GADL1: variants seen among roughly 807,000 people sequenced by gnomAD.
GADL1 encodes the protein acidic amino acid decarboxylase GADL1.
Under a neutral mutation model 69.5 loss-of-function variants are expected in GADL1, and 71 were observed. That is an observed-to-expected ratio of 1.02 (90% CI 0.84 to 1.25). The LOEUF (loss-of-function observed/expected upper bound fraction) is 1.25. GADL1 is among the 50% of genes most tolerant of loss of function. The pLI is 0.00. For missense variants in GADL1, 737 were observed against 631.8 expected, an observed-to-expected ratio of 1.17 and a Z score of -1.79; for synonymous variants, 254 against 214.4, an observed-to-expected ratio of 1.18 and a Z score of -1.62.
In GADL1 at chr3:30,808,215, G is replaced by A. The variant is rs115534795; in HGVS notation, c.1051-7127C>T. Among the ~76,000 whole-genome samples, 152 of 152,080 alleles carry A rather than the reference G, an allele frequency of 1.0e-3. 2 individuals carry two copies. The highest frequency in any genetic ancestry group is 3.4e-3 in the African/African-American group (140 of 41,472). On this transcript the variant is annotated intron_variant, in intron 11 of 14. Transcript: ENST00000282538. Reference sequence around the variant, plus strand: ...GAAGAGAGAAGCAAAGGATGAACCGGCCGGGCCCAGTGGCCTACGCCTGTA... The same window carrying A: ...GAAGAGAGAAGCAAAGGATGAACCGACCGGGCCCAGTGGCCTACGCCTGTA...
intron 1 of GADL1, among the ~76,000 whole-genome samples, chr3:30,889,306 T>C (rs1302439485): frequency 2.0e-5 from 3 of 152,006 alleles, no homozygotes; most frequent in Non-Finnish European, 2.9e-5. Flanking sequence ...CAAGATGAGA[T>C]TTGGGTGGGG....
At chr3:30,797,288 ATTG>A (rs759456133) in intron 12 of GADL1, among the ~76,000 whole-genome samples, 4 of 152,188 alleles carry the variant, frequency 2.6e-5, no homozygotes, top group African/African-American at 2.4e-5. Flanking sequence ...GGGGAAAACA[ATTG>A]TTGTTTTAAC....
chr3:30,848,574 T>C (rs1698093470), intron 6 of GADL1, among the ~76,000 whole-genome samples: 1 of 151,950 alleles, frequency 6.6e-6, no homozygotes. Context: ...GGTAAGAAGC[T>C]AAACTCATTC....
Position 30,837,577 on chromosome 3 carries a change from C to T in GADL1, c.903+1420G>A, listed in dbSNP as rs74280757. Among the ~76,000 whole-genome samples the T allele has an allele frequency of 9.6e-3, 1,458 of 152,140 alleles. 79 individuals carry two copies. The East Asian group carries it at 0.19, about 19-fold the overall frequency. On this transcript the variant is annotated intron_variant, in intron 9 of 14. Coordinates refer to ENST00000282538, the MANE Select transcript of GADL1 (RefSeq NM_207359.3). ...CCCATAAATCTCTTAATGTCATTCC[C>T]AATTTAAAAGCTGCTGTGGTGACTG...
intron 6 of GADL1, among the ~76,000 whole-genome samples, chr3:30,848,508 GTTT>G (rs1222531873): frequency 6.6e-6 from 1 of 152,100 alleles, no homozygotes; most frequent in Non-Finnish European, 1.5e-5. Context: ...CAGACTCTCA[GTTT>G]TTTATTTTGT....
intron 8 of GADL1, among the ~76,000 whole-genome samples, chr3:30,843,383 C>A (rs1041231182): frequency 6.6e-6 from 1 of 151,756 alleles, no homozygotes; most frequent in Non-Finnish European, 1.5e-5. Flanking sequence ...AGTCTCCCGA[C>A]TAGCTGGGAT....
chr3:30,824,946 A>G (rs543797542), intron 11 of GADL1, among the ~76,000 whole-genome samples: 1 of 151,986 alleles, frequency 6.6e-6, no homozygotes, highest in South Asian at 2.1e-4. Context: ...CATAATTTTA[A>G]TTTTAAAGTA....
intron 11 of GADL1, among the ~76,000 whole-genome samples, chr3:30,815,448 A>C (rs1697450660): frequency 6.6e-6 from 1 of 152,220 alleles, no homozygotes; most frequent in African/African-American, 2.4e-5. Flanking sequence ...TGTCTGACAG[A>C]TTGCAAGTGT....
chr3:30,819,214 CT>C (rs1272314681), intron 11 of GADL1, among the ~76,000 whole-genome samples: 1 of 141,334 alleles, frequency 7.1e-6, no homozygotes, highest in Non-Finnish European at 1.5e-5. Flanking sequence ...TACACTTATA[CT>C]TAAGAATTGC....
chr3:30,877,139 C>T (rs1401073568), intron 1 of GADL1, among the ~76,000 whole-genome samples: 1 of 151,840 alleles, frequency 6.6e-6, no homozygotes, highest in Admixed American at 6.6e-5. Context: ...ATATGAGGAT[C>T]AGAGAGGTTA....
chr3:30,776,748 C>T (rs1696549679), intron 14 of GADL1, among the ~76,000 whole-genome samples: 1 of 152,166 alleles, frequency 6.6e-6, no homozygotes, highest in Non-Finnish European at 1.5e-5. Context: ...TAGACTGGGG[C>T]AAAAATCCCA....
chr3:30,759,069 T>C (rs949188695), intron 14 of GADL1, among the ~76,000 whole-genome samples: 1 of 123,218 alleles, frequency 8.1e-6, no homozygotes, highest in Non-Finnish European at 1.8e-5. Flanking sequence ...TGATTAAAAA[T>C]CCGTTTTTTT....
chr3:30,815,620 A>AG, intron 11 of GADL1, among the ~76,000 whole-genome samples: 1 of 152,330 alleles, frequency 6.6e-6, no homozygotes, highest in Non-Finnish European at 1.5e-5. Context: ...GAATTGAGTT[A>AG]GGTGGAGATT....
intron 12 of GADL1, chr3:30,797,605 G>A (rs1697065624): frequency 6.6e-6 from 1 of 152,046 alleles, no homozygotes; most frequent in African/African-American, 2.4e-5. Context: ...CTTGAATCCA[G>A]GTTGTCTGTA....
intron 14 of GADL1, among the ~76,000 whole-genome samples, chr3:30,729,690 G>T (rs774771267): frequency 6.6e-6 from 1 of 152,164 alleles, no homozygotes; most frequent in Non-Finnish European, 1.5e-5. Context: ...CAAAGCTGAT[G>T]AAAAAATTGG....
intron 2 of GADL1, among the ~76,000 whole-genome samples, chr3:30,860,897 C>G (rs529909019): frequency 6.6e-6 from 1 of 151,916 alleles, no homozygotes; most frequent in Non-Finnish European, 1.5e-5. Context: ...GACTTTCTTT[C>G]CCAGCTCTAA....
In GADL1 at chr3:30,850,104, T is replaced by A; in HGVS notation, c.543A>T (p.Ser181=). The A allele has an allele frequency of 6.4e-7, 1 of 1,572,778 alleles. No individual in the cohort carries two copies. Among genetic ancestry groups the A allele is most frequent in the Non-Finnish European group, 8.7e-7 (1 of 1,143,622 alleles). Residue 181 remains serine, a synonymous_variant, in exon 6 of 15, where the codon TCA becomes TCT. Transcript: ENST00000282538. The stretch of plus-strand genomic sequence containing the variant: ...AATTCATTGCATACATATTGGACAC[T>A]GAGCCACCTGCAAAAACAAAATTAA... The part of the protein sequence containing the change: ...EGDGIFNPGG[S]VSNMYAMNLA...
intron 12 of GADL1, among the ~76,000 whole-genome samples, chr3:30,797,425 A>T (rs1449319603): frequency 3.3e-5 from 5 of 152,168 alleles, no homozygotes; most frequent in African/African-American, 9.7e-5. Flanking sequence ...AATAACTAAA[A>T]CTTAAATAGC....
intron 11 of GADL1, among the ~76,000 whole-genome samples, chr3:30,832,875 CTA>C (rs1697815123): frequency 6.6e-6 from 1 of 151,746 alleles, no homozygotes; most frequent in Admixed American, 6.6e-5. Context: ...CTGGTAGTGT[CTA>C]TTTCTATAGA....
Sources: gnomAD v4.1 joint callset for allele counts (sites outside exome capture counted in the v4.1 genomes callset) on GRCh38, gnomAD v4.1.1 for gene constraint, MANE v1.5 for transcripts, NCBI Gene and HGNC (gene_info 2026-07-23, HGNC 2026-07-21) for gene names.